The following KLF8 variants were observed in gnomAD, a reference collection of about 807,000 sequenced individuals.
KLF8 encodes the protein KLF transcription factor 8.
A neutral mutation model predicts 18.2 loss-of-function variants in KLF8; 10 were observed. The observed-to-expected ratio is 0.55, with a 90% CI of 0.34 to 0.93. The LOEUF (loss-of-function observed/expected upper bound fraction) is 0.93, where lower values mean the gene tolerates loss of function less well. KLF8 is among the 40% of genes least tolerant of loss of function. The pLI is 0.02. For missense variants in KLF8, 264 were observed against 277.9 expected, an observed-to-expected ratio of 0.95 and a Z score of 0.36; for synonymous variants, 109 against 97.3, an observed-to-expected ratio of 1.12 and a Z score of -0.71.
At chrX:56,155,839 C>A in the KLF8 span, among the ~76,000 whole-genome samples, 1 of 111,108 alleles carries the variant, frequency 9.0e-6, no homozygotes, top group Non-Finnish European at 1.9e-5. Context: ...TCCACAATGT[C>A]TATTGTTTCC....
At chrX:56,196,181 C>T in the KLF8 span, among the ~76,000 whole-genome samples, 1 of 110,974 alleles carries the variant, frequency 9.0e-6, no homozygotes, top group Non-Finnish European at 1.9e-5. Flanking sequence ...AATTAATGGG[C>T]AAAATAACCA....
chrX:55,919,198 A>G, the KLF8 span, among the ~76,000 whole-genome samples: 1 of 112,013 alleles, frequency 8.9e-6, no homozygotes, highest in African/African-American at 3.2e-5. Flanking sequence ...ACCTAGAAAA[A>G]AAGTTAGCTG....
chrX:55,947,839 C>T, the KLF8 span, among the ~76,000 whole-genome samples: 1 of 111,756 alleles, frequency 8.9e-6, no homozygotes, highest in Non-Finnish European at 1.9e-5. Context: ...TTTTAAAAAA[C>T]ATTTCCTCTT....
chrX:56,074,976 T>C, the KLF8 span, among the ~76,000 whole-genome samples: 1 of 111,012 alleles, frequency 9.0e-6, no homozygotes, highest in African/African-American at 3.3e-5. Flanking sequence ...TTTATGGGTA[T>C]TTAGTAGGTG....
chrX:56,070,623 G>C, the KLF8 span, among the ~76,000 whole-genome samples: 1 of 110,832 alleles, frequency 9.0e-6, no homozygotes, highest in African/African-American at 3.3e-5. Flanking sequence ...GAGAACACAT[G>C]GACCCAGGGA....
At chrX:56,196,975 C>A in the KLF8 span, among the ~76,000 whole-genome samples, 1 of 112,012 alleles carries the variant, frequency 8.9e-6, no homozygotes, top group South Asian at 3.7e-4. Context: ...GGAAACAGAA[C>A]AACCTGCTCC....
At chrX:56,227,227 G>A in the KLF8 span, among the ~76,000 whole-genome samples, 1 of 112,203 alleles carries the variant, frequency 8.9e-6, no homozygotes, top group Non-Finnish European at 1.9e-5. Flanking sequence ...GCCTTTGGGG[G>A]CCTTCAGAGC....
the KLF8 span, among the ~76,000 whole-genome samples, chrX:56,147,023 T>A: frequency 1.8e-5 from 2 of 111,844 alleles, no homozygotes; most frequent in African/African-American, 6.5e-5. Context: ...CGTAGGGAGT[T>A]TGATCAAGAT....
At chrX:56,159,212 C>A in the KLF8 span, among the ~76,000 whole-genome samples, 2 of 112,038 alleles carry the variant, frequency 1.8e-5, no homozygotes, top group Non-Finnish European at 3.8e-5. Context: ...TATTTTGAAC[C>A]AGTCTTGCAT....
the KLF8 span, among the ~76,000 whole-genome samples, chrX:56,206,520 G>A: frequency 6.2e-5 from 7 of 112,185 alleles, no homozygotes; most frequent in African/African-American, 2.3e-4. Flanking sequence ...ATCCAATGGG[G>A]CAGTCAAATG....
the KLF8 span, among the ~76,000 whole-genome samples, chrX:56,217,722 A>G: frequency 4.5e-5 from 5 of 111,955 alleles, no homozygotes; most frequent in Admixed American, 1.9e-4. Context: ...CCCGGCTGTC[A>G]ATTGTACCTT....
At chrX:56,188,895 T>C in the KLF8 span, among the ~76,000 whole-genome samples, 1 of 112,039 alleles carries the variant, frequency 8.9e-6, no homozygotes, top group African/African-American at 3.2e-5. Flanking sequence ...ACTTAAATGT[T>C]AGACCTAAAA....
the KLF8 span, among the ~76,000 whole-genome samples, chrX:56,094,158 A>G: frequency 9.1e-6 from 1 of 110,300 alleles, no homozygotes; most frequent in Non-Finnish European, 1.9e-5. Flanking sequence ...CACCAATTAA[A>G]AGACATAGAG....
chrX:56,077,866 T>G, the KLF8 span, among the ~76,000 whole-genome samples: 1 of 110,695 alleles, frequency 9.0e-6, no homozygotes, highest in Non-Finnish European at 1.9e-5. Context: ...ACGTCCCTTG[T>G]AAGTTGAATT....
chrX:56,230,913 A>T (rs2066395894), upstream of KLF8, among the ~76,000 whole-genome samples: 1 of 111,123 alleles, frequency 9.0e-6, no homozygotes, highest in Non-Finnish European at 1.9e-5. Context: ...GCCTGAAGAA[A>T]TTAAGTAAGG....
At chrX:56,077,472 G>T in the KLF8 span, among the ~76,000 whole-genome samples, 12 of 111,519 alleles carry the variant, frequency 1.1e-4, no homozygotes, top group Admixed American at 1.0e-3. Context: ...CATTGTTTCT[G>T]AGGGCTCTAT....
the KLF8 span, among the ~76,000 whole-genome samples, chrX:55,937,520 C>T: frequency 6.0e-4 from 67 of 112,409 alleles, no homozygotes; most frequent in African/African-American, 1.4e-3. Context: ...CAAAGCTGGA[C>T]GGAGAATGAC....
At chrX:56,139,226 T>G in the KLF8 span, among the ~76,000 whole-genome samples, 1 of 112,031 alleles carries the variant, frequency 8.9e-6, no homozygotes, top group African/African-American at 3.2e-5. Flanking sequence ...GTGGCCATAC[T>G]GCAAAGCAAT....
At chrX:56,270,381 C>CACACACACACGA (rs1355621837) in intron 5 of KLF8, 60 bp downstream of exon 5, 2 of 778,115 alleles carry the variant, frequency 2.6e-6, no homozygotes, top group African/African-American at 5.6e-5. Flanking sequence ...CACACACACA[C>CACACACACACGA]GAGAGAGAGA....
Sources: gnomAD v4.1 joint callset for allele counts (sites outside exome capture counted in the v4.1 genomes callset) on GRCh38, gnomAD v4.1.1 for gene constraint, MANE v1.5 for transcripts, NCBI Gene and HGNC (gene_info 2026-07-23, HGNC 2026-07-21) for gene names.